The following MACROD2 variants were observed in gnomAD, a reference collection of about 807,000 sequenced individuals.
The protein encoded by MACROD2 is ADP-ribose glycohydrolase MACROD2.
Under a neutral mutation model 70.4 loss-of-function variants are expected in MACROD2, and 36 were observed. The ratio of observed to expected loss-of-function variants is 0.51; its 90% confidence interval spans 0.39 to 0.68. The LOEUF (loss-of-function observed/expected upper bound fraction) is 0.68. MACROD2 is among the 30% of genes least tolerant of loss of function. The pLI, the probability that MACROD2 is intolerant of heterozygous loss-of-function variation, is 0.00. For missense variants in MACROD2, 496 were observed against 538.4 expected (o/e 0.92, Z 0.78); for synonymous variants, 172 against 178.8 (o/e 0.96, Z 0.30).
At chr20:14,060,751 T>C (rs1277936359) in intron 2 of MACROD2, among the ~76,000 whole-genome samples, 1 of 152,224 alleles carries the variant, frequency 6.6e-6, no homozygotes, top group Non-Finnish European at 1.5e-5. Flanking sequence ...GTAGTTTCTT[T>C]TAACAGTATT....
chr20:14,669,441 T>C (rs935925012), intron 4 of MACROD2, among the ~76,000 whole-genome samples: 1 of 145,644 alleles, frequency 6.9e-6, no homozygotes, highest in African/African-American at 2.7e-5. Context: ...TCCTTTATCA[T>C]CTTACCTAAA....
chr20:15,550,688 C>T (rs981514931), intron 8 of MACROD2, among the ~76,000 whole-genome samples: 11 of 152,200 alleles, frequency 7.2e-5, no homozygotes, highest in Non-Finnish European at 1.6e-4. Context: ...CTGAGTCAAC[C>T]ATTATATTGA....
chr20:15,576,552 G>GTTTTTTTTTTTTTTTTTTTTTTT (rs11473854), intron 8 of MACROD2, among the ~76,000 whole-genome samples: 1 of 145,752 alleles, frequency 6.9e-6, no homozygotes, highest in Non-Finnish European at 1.5e-5. Flanking sequence ...TGCACAAAAT[G>GTTTTTTTTTTTTTTTTTTTTTTT]TTTTTTTTTT....
At chr20:14,002,608 A>T (rs1249348617) in intron 2 of MACROD2, among the ~76,000 whole-genome samples, 1 of 151,978 alleles carries the variant, frequency 6.6e-6, no homozygotes, top group Admixed American at 6.6e-5. Flanking sequence ...GTTCTGAAAT[A>T]TACCACATTT....
At chr20:15,726,872 T>C (rs180784556) in intron 8 of MACROD2, among the ~76,000 whole-genome samples, 233 of 152,314 alleles carry the variant, frequency 1.5e-3, no homozygotes, top group African/African-American at 5.3e-3. Flanking sequence ...TTTCTGTTTC[T>C]GTAGGTTGTC....
intron 4 of MACROD2, among the ~76,000 whole-genome samples, chr20:14,676,346 C>T (rs74441254): frequency 0.1 from 15,754 of 152,086 alleles, 1,211 homozygotes; most frequent in South Asian, 0.27. Flanking sequence ...TGCAAAAGAA[C>T]GGAAATCATA....
intron 3 of MACROD2, among the ~76,000 whole-genome samples, chr20:14,111,398 A>G (rs974060417): frequency 6.6e-6 from 1 of 152,056 alleles, no homozygotes; most frequent in Non-Finnish European, 1.5e-5. Context: ...TGCACAGTAA[A>G]TGAAACAACA....
At chr20:14,074,419 T>G (rs2053890633) in intron 2 of MACROD2, among the ~76,000 whole-genome samples, 1 of 152,186 alleles carries the variant, frequency 6.6e-6, no homozygotes, top group Non-Finnish European at 1.5e-5. Flanking sequence ...CCTGACTGAT[T>G]GATCTGGGAT....
At chr20:15,105,016 A>G (rs1481610418) in intron 5 of MACROD2, among the ~76,000 whole-genome samples, 1 of 152,166 alleles carries the variant, frequency 6.6e-6, no homozygotes, top group African/African-American at 2.4e-5. Context: ...CATGCAGCGT[A>G]TTGGTAAAAG....
intron 5 of MACROD2, among the ~76,000 whole-genome samples, chr20:15,067,152 A>G (rs1021978341): frequency 6.6e-6 from 1 of 152,184 alleles, no homozygotes; most frequent in African/African-American, 2.4e-5. Context: ...TAAGAAATGC[A>G]ACTAATTTTT....
intron 6 of MACROD2, among the ~76,000 whole-genome samples, chr20:15,382,033 G>C (rs963183846): frequency 1.3e-5 from 2 of 152,038 alleles, no homozygotes; most frequent in Non-Finnish European, 2.9e-5. Context: ...AAAGAGAAGG[G>C]GGCAGCTTTG....
intron 7 of MACROD2, among the ~76,000 whole-genome samples, chr20:15,457,848 G>A (rs1436874925): frequency 6.7e-6 from 1 of 149,628 alleles, no homozygotes; most frequent in Non-Finnish European, 1.5e-5. Flanking sequence ...CTTATCTCTT[G>A]TTCTAATGAT....
At chr20:15,126,947 A>G (rs1477890793) in intron 5 of MACROD2, among the ~76,000 whole-genome samples, 1 of 152,158 alleles carries the variant, frequency 6.6e-6, no homozygotes, top group Non-Finnish European at 1.5e-5. Context: ...TTTGAATTAC[A>G]GCACATGTTG....
chr20:14,961,104 T>C (rs1204127944), intron 5 of MACROD2, among the ~76,000 whole-genome samples: 1 of 152,146 alleles, frequency 6.6e-6, no homozygotes, highest in Non-Finnish European at 1.5e-5. Flanking sequence ...CTGCACTCAT[T>C]ATATAGAGAG....
At chr20:15,819,403 T>A (rs2063913711) in intron 8 of MACROD2, among the ~76,000 whole-genome samples, 1 of 141,354 alleles carries the variant, frequency 7.1e-6, no homozygotes, top group Admixed American at 7.3e-5. Context: ...TATAAAATAT[T>A]TATATATATT....
chr20:14,126,046 C>T (rs1050047793), intron 3 of MACROD2, among the ~76,000 whole-genome samples: 3 of 152,208 alleles, frequency 2.0e-5, no homozygotes, highest in East Asian at 1.9e-4. Flanking sequence ...CTGAGTGTTA[C>T]GTGAAGCAAA....
intron 8 of MACROD2, among the ~76,000 whole-genome samples, chr20:15,616,862 A>G (rs1350259640): frequency 6.6e-6 from 1 of 152,180 alleles, no homozygotes; most frequent in Non-Finnish European, 1.5e-5. Context: ...CTCATGTTAC[A>G]CATGGCTACT....
intron 10 of MACROD2, among the ~76,000 whole-genome samples, chr20:15,902,620 C>G (rs572676470): frequency 1.9e-4 from 29 of 152,038 alleles, no homozygotes; most frequent in Non-Finnish European, 3.5e-4. Flanking sequence ...TTCTACCTTG[C>G]GCCCTCTCGG....
intron 8 of MACROD2, among the ~76,000 whole-genome samples, chr20:15,639,465 T>C (rs1226540211): frequency 2.0e-5 from 3 of 152,178 alleles, no homozygotes; most frequent in African/African-American, 7.2e-5. Context: ...CCTACTCTCC[T>C]CAGCCCCCAC....
Sources: gnomAD v4.1 joint callset for allele counts (sites outside exome capture counted in the v4.1 genomes callset) on GRCh38, gnomAD v4.1.1 for gene constraint, MANE v1.5 for transcripts, NCBI Gene and HGNC (gene_info 2026-07-23, HGNC 2026-07-21) for gene names.